The following NPTXR variants were observed in gnomAD, a reference collection of about 807,000 sequenced individuals.
The protein encoded by NPTXR is neuronal pentraxin receptor.
NPTXR carries 12 observed loss-of-function variants against 32.2 expected under a neutral mutation model. The ratio of observed to expected loss-of-function variants is 0.37; its 90% CI spans 0.24 to 0.60. NPTXR has a LOEUF of 0.60. Among genes scored for constraint, NPTXR ranks in the 20% least tolerant of loss-of-function variants. The pLI is 0.66. For missense variants in NPTXR, 612 were observed against 682.9 expected (o/e 0.90, Z 1.16); for synonymous variants, 323 against 315.8 (o/e 1.02, Z -0.24).
In NPTXR at chr22:38,819,832, A is replaced by T. The variant is rs980257130; in HGVS notation, c.*2777T>A. On this transcript the variant is annotated 3_prime_UTR_variant, in exon 5 of 5. Transcript: ENST00000333039. ...GATGTGCTCAGGGGCAGCAGAAGAT[A>T]GGAAAAGCGGGACCCAAACAGTGGT... 1 of 152,690 alleles carries T rather than the reference A, an allele frequency of 6.5e-6. No homozygotes were observed. Among genetic ancestry groups the T allele is most frequent in the African/African-American group, 2.4e-5 (1 of 41,448 alleles). 9.5% of individuals were successfully genotyped at this position (152,690 alleles called of 1,614,324 possible).
intron 1 of NPTXR, among the ~76,000 whole-genome samples, chr22:38,835,140 C>T (rs1004702521): frequency 5.9e-5 from 9 of 152,234 alleles, no homozygotes; most frequent in Non-Finnish European, 1.3e-4. Context: ...CTGCCTCTTG[C>T]CAAGTGCCAG....
chr22:38,830,278 C>T (rs1389581153), intron 1 of NPTXR, among the ~76,000 whole-genome samples: 2 of 152,286 alleles, frequency 1.3e-5, no homozygotes, highest in Non-Finnish European at 2.9e-5. Flanking sequence ...GCCTCCAGGG[C>T]TGGCCAGCAT....
Position 38,843,335 on chromosome 22 carries a change from C to G in NPTXR, c.524G>C (p.Arg175Pro). 2.8e-6 allele frequency: 4 copies of G among 1,414,916 alleles called. No homozygotes were observed. Among genetic ancestry groups the G allele is most frequent in the Non-Finnish European group, 3.7e-6 (4 of 1,092,062 alleles). The allele number at this position is 1,414,916 out of a possible 1,614,324, so 87.6% of individuals were successfully genotyped here. A position where few individuals can be genotyped will look rare whatever the true frequency, so the allele number is the denominator to read the frequency against. ...GGGCCCGTCGGCCATGGTGTCGCGG[C>G]GGGGCCCGGCGCCCTGGAGGCCGCG... is the stretch of plus-strand genomic sequence containing the variant. Residue 175 changes from arginine (R) to proline (P), a missense_variant, in exon 1 of 5, where the codon CGC becomes CCC. Arg to Pro is a moderately radical substitution (Grantham distance 103, BLOSUM62 -2). Coordinates refer to ENST00000333039, the MANE Select transcript of NPTXR (RefSeq NM_014293.4). The surrounding 1 kb of genome is among the most constrained non-coding windows in gnomAD (Gnocchi z 5.3).
At chr22:38,838,465 G>T (rs1054494989) in intron 1 of NPTXR, among the ~76,000 whole-genome samples, 1 of 151,968 alleles carries the variant, frequency 6.6e-6, no homozygotes, top group East Asian at 1.9e-4. Context: ...CTATCTAGCC[G>T]GTCAGCAGGA....
At position 38,822,504 on chromosome 22, in the gene NPTXR, G is replaced by T; in HGVS notation, c.*105C>A. The T allele has an allele frequency of 1.0e-6, 1 of 952,708 alleles. No individual in the cohort carries two copies. Among genetic ancestry groups the T allele is most frequent in the Non-Finnish European group, 1.6e-6 (1 of 619,786 alleles). The allele number at this position is 952,708 out of a possible 1,614,324, so 59.0% of individuals were successfully genotyped here. ...GAAATGGGAGGCACAGCCAGGAGTG[G>T]GGCAGGAGGGAAGGCCAGTGCGTGG... On this transcript the variant is annotated 3_prime_UTR_variant, in exon 5 of 5. Coordinates refer to ENST00000333039, the MANE Select transcript of NPTXR (RefSeq NM_014293.4).
chr22:38,837,845 T>TTTTATTTTATTTTATTTTA (rs2093126267), intron 1 of NPTXR, among the ~76,000 whole-genome samples: 3 of 139,898 alleles, frequency 2.1e-5, no homozygotes, highest in Non-Finnish European at 4.8e-5. Context: ...TTATTTTTAT[T>TTTTATTTTATTTTATTTTA]TTTTATTTTA....
intron 3 of NPTXR, among the ~76,000 whole-genome samples, chr22:38,825,247 A>G (rs1054166021): frequency 1.3e-5 from 2 of 152,162 alleles, no homozygotes; most frequent in Non-Finnish European, 2.9e-5. Context: ...GCCCAAGGGC[A>G]GAACAGGGGA....
At chr22:38,830,658 C>A (rs1006922668) in intron 1 of NPTXR, among the ~76,000 whole-genome samples, 5 of 152,164 alleles carry the variant, frequency 3.3e-5, no homozygotes, top group Non-Finnish European at 5.9e-5. Context: ...TGTCCCTTGG[C>A]TCCCATGGGA....
rs76705212 is a variant in NPTXR, at chr22:38,839,886, T to C, written c.624+3349A>G. Among the ~76,000 whole-genome samples the C allele has an allele frequency of 3.1e-3, 470 of 152,342 alleles. 2 individuals are homozygous for C. The highest frequency in any genetic ancestry group is 0.011 in the African/African-American group (454 of 41,576). On this transcript the variant is annotated intron_variant, in intron 1 of 4. Coordinates refer to ENST00000333039, the MANE Select transcript of NPTXR (RefSeq NM_014293.4). ...GCTGCAGATGAATCCCAGGATATTA[T>C]GGCATCATTAAAATGGTAATTACAC...
chr22:38,836,248 A>G (rs1029969733), intron 1 of NPTXR, among the ~76,000 whole-genome samples: 1 of 152,188 alleles, frequency 6.6e-6, no homozygotes, highest in Non-Finnish European at 1.5e-5. Context: ...CCCTCTTGCA[A>G]CCCACTCCTG....
chr22:38,836,023 T>C (rs954572483), intron 1 of NPTXR, among the ~76,000 whole-genome samples: 6 of 151,912 alleles, frequency 3.9e-5, no homozygotes, highest in Admixed American at 2.6e-4. Context: ...ATTTACAAAA[T>C]GGCCAATAAA....
chr22:38,844,002 C>A lies in NPTXR; in HGVS notation c.-144G>T. On this transcript the variant is annotated 5_prime_UTR_variant, in exon 1 of 5. Coordinates refer to ENST00000333039, the MANE Select transcript of NPTXR (RefSeq NM_014293.4). This position sits in a 1 kb window ranked among gnomAD's most constrained non-coding sequence, Gnocchi z 4.3. The stretch of plus-strand genomic sequence containing the variant: ...GAGCCGGAGCCGGAGCTGGAGCTGT[C>A]GCCGCGGCCGCTGCTGCCGCCGCTC... 1 of 278,024 alleles carries A rather than the reference C, an allele frequency of 3.6e-6. No individual in the cohort carries two copies. Among genetic ancestry groups the A allele is most frequent in the Non-Finnish European group, 5.4e-6 (1 of 184,976 alleles). 17.2% of individuals were successfully genotyped at this position (278,024 alleles called of 1,614,324 possible).
At chr22:38,829,459 G>A (rs1393856668) in intron 1 of NPTXR, among the ~76,000 whole-genome samples, 5 of 152,148 alleles carry the variant, frequency 3.3e-5, no homozygotes, top group African/African-American at 1.2e-4. Flanking sequence ...TGAGGCCGCA[G>A]GTCCAGACTC....
chr22:38,836,625 A>T (rs2146198252), intron 1 of NPTXR, among the ~76,000 whole-genome samples: 1 of 152,252 alleles, frequency 6.6e-6, no homozygotes, highest in Non-Finnish European at 1.5e-5. Context: ...GGCACCAGGG[A>T]GCCTTCTGGG....
At chr22:38,832,315 A>G (rs2093117549) in intron 1 of NPTXR, among the ~76,000 whole-genome samples, 1 of 152,214 alleles carries the variant, frequency 6.6e-6, no homozygotes. Flanking sequence ...CCCGATGCCA[A>G]CTGGGCCCCT....
At chr22:38,823,398 T>C in intron 3 of NPTXR, 136 bp from the exon 4 acceptor site, 2 of 687,450 alleles carry the variant, frequency 2.9e-6, no homozygotes, top group Non-Finnish European at 4.9e-6. Flanking sequence ...CTCTCCATCC[T>C]CCTGCCCAGT....
intron 1 of NPTXR, among the ~76,000 whole-genome samples, chr22:38,838,575 T>C (rs982707784): frequency 0.014 from 276 of 20,442 alleles, 7 homozygotes; most frequent in East Asian, 0.13. Flanking sequence ...ACCTGGCTAT[T>C]TTTTTTTTTT....
rs2093121841 is a variant in NPTXR at position 38,834,964 on chromosome 22, C to A, written c.625-6452G>T. Among the ~76,000 whole-genome samples the A allele has an allele frequency of 6.6e-6, 1 of 152,238 alleles. No individual in the cohort carries two copies. The highest frequency in any genetic ancestry group is 2.4e-5 in the African/African-American group (1 of 41,460). On this transcript the variant is annotated intron_variant, in intron 1 of 4. Transcript: ENST00000333039. This position sits in a 1 kb window ranked among gnomAD's most constrained non-coding sequence, Gnocchi z 4.4. ...TCATGGTGCAGGCCCTGGAGCCAGA[C>A]TGCCTGGGTGGAAATGCCAGCTGAG...
At chr22:38,831,122 C>T (rs142678111) in intron 1 of NPTXR, among the ~76,000 whole-genome samples, 29 of 152,328 alleles carry the variant, frequency 1.9e-4, no homozygotes, top group Admixed American at 8.5e-4. Context: ...TCCTCTAAAA[C>T]GGGAACAGGC....
Sources: allele counts gnomAD v4.1 joint callset (sites outside exome capture counted in the v4.1 genomes callset), GRCh38; gene constraint gnomAD v4.1.1; non-coding constraint Gnocchi (gnomAD v3.1); transcripts MANE v1.5; gene names NCBI Gene and HGNC (gene_info 2026-07-23, HGNC 2026-07-21).